Variants in PROB1 observed in about 807,000 individuals in gnomAD.
The protein encoded by PROB1 is proline rich basic protein 1.
For missense variants in PROB1, 1,453 were observed against 1,485.7 expected (o/e 0.98, Z 0.36); for synonymous variants, 660 against 699.3 (o/e 0.94, Z 0.89).
Position 139,393,595 on chromosome 5 carries a change from G to T in PROB1, c.1487C>A (p.Pro496Gln), listed in dbSNP as rs1250323117. Residue 496 changes from proline to glutamine, a missense_variant, in exon 1 of 1, where the codon CCG becomes CAG. Coordinates refer to ENST00000434752, the MANE Select transcript of PROB1 (RefSeq NM_001161546.2). ...VADAVEPRSS[P>Q]SPPAFFPWEA... The stretch of plus-strand genomic sequence containing the variant: ...CCACGGGAAGAAGGCCGGCGGGGAC[G>T]GGCTGCTACGTGGCTCCACCGCATC... 9.7e-6 allele frequency: 15 copies of T among 1,550,638 alleles called. No homozygotes were observed. The highest frequency in any genetic ancestry group is 1.0e-5 in the Non-Finnish European group (12 of 1,146,902).
At position 139,392,280 on chromosome 5, in the gene PROB1, G is replaced by C. The variant is rs1758610456; in HGVS notation, c.2802C>G (p.Ala934=). 6.6e-7 allele frequency: 1 copy of C among 1,519,834 alleles called. No individual in the cohort carries two copies. The highest frequency in any genetic ancestry group is 2.1e-5 in the Admixed American group (1 of 47,700). The allele number at this position is 1,519,834 out of a possible 1,614,324, so 94.1% of individuals were successfully genotyped here. Residue 934 remains alanine (A), a synonymous_variant, in exon 1 of 1, where the codon GCC becomes GCG. Coordinates refer to ENST00000434752, the MANE Select transcript of PROB1 (RefSeq NM_001161546.2). The surrounding 1 kb of genome is among the most constrained non-coding windows in gnomAD (Gnocchi z 5.8). ...CGGGCGGGTAGAGGCCGAGCCCCAG[G>C]GCCAGAGGGGTGTAGACGCGGTGGG... is the stretch of plus-strand genomic sequence containing the variant. The part of the protein sequence containing the change: ...GPPHRVYTPL[A]LGLGLYPPAY...
rs1758651066 is a variant in PROB1 at position 139,394,217 on chromosome 5, G to A, written c.865C>T (p.His289Tyr). ...PETRETARST[H>Y]VVLEKAKSRP... ...GACTTAGCCTTCTCCAGGACCACGT[G>A]GGTGCTGCGGGCCGTTTCCCGGGTC... The change falls in exon 1 of 1, where the codon CAC (histidine) becomes TAC (tyrosine). Residue 289 changes from histidine to tyrosine, a missense_variant. Transcript: ENST00000434752. The A allele has an allele frequency of 1.9e-6, 3 of 1,548,764 alleles. No homozygotes were observed. In the East Asian group the frequency reaches 7.3e-5, roughly 38 times the overall value.
Position 139,394,656 on chromosome 5 carries a change from G to A in PROB1, c.426C>T (p.Ser142=), listed in dbSNP as rs1238773094. Residue 142 remains serine, a synonymous_variant, in exon 1 of 1, where the codon AGC becomes AGT. Transcript: ENST00000434752. ...GAGACGCTGGCCCCGGCGGCAAGGG[G>A]CTGATGAAGGCCGGCTCCGTGAACT... ...QQQFTEPAFI[S]PLPPGPASPA... is the part of the protein sequence containing the mutation. The A allele has an allele frequency of 2.6e-6, 4 of 1,535,134 alleles. No homozygotes were observed. The highest frequency in any genetic ancestry group is 3.5e-6 in the Non-Finnish European group (4 of 1,145,686).
At position 139,394,946 on chromosome 5, in the gene PROB1, C is replaced by A. The variant is rs1490516623; in HGVS notation, c.136G>T (p.Val46Phe). The A allele has an allele frequency of 4.6e-6, 7 of 1,520,796 alleles. No homozygotes were observed. The African/African-American group carries it at 7.2e-5, about 16-fold the overall frequency. The allele number at this position is 1,520,796 out of a possible 1,614,324, so 94.2% of individuals were successfully genotyped here. The stretch of plus-strand genomic sequence containing the variant: ...GCTGGGCCTTTCGCGTCCGGCCCAA[C>A]GTCCGGGGGCTCCGGAGAACCTGGA... ...TAPGSPEPPDVGPDAKGPANW... is the reference protein window; with the variant it reads ...TAPGSPEPPDFGPDAKGPANW... The change falls in exon 1 of 1, where the codon GTT becomes TTT. Residue 46 changes from valine to phenylalanine, a missense_variant. Val to Phe is a conservative substitution (Grantham distance 50). Coordinates refer to ENST00000434752, the MANE Select transcript of PROB1 (RefSeq NM_001161546.2).
At position 139,392,231 on chromosome 5, in the gene PROB1, A is replaced by G; in HGVS notation, c.2851T>C (p.Ser951Pro). Residue 951 changes from serine (S) to proline (P), a missense_variant, in exon 1 of 1, where the codon TCT becomes CCT. By Grantham distance (74) the Ser-to-Pro change is moderately conservative (BLOSUM62 -1). Coordinates refer to ENST00000434752, the MANE Select transcript of PROB1 (RefSeq NM_001161546.2). The surrounding 1 kb of genome is among the most constrained non-coding windows in gnomAD (Gnocchi z 5.8). ...TGCGGGCCCGGGGACGGTGGCAGAG[A>G]GAGGCTGGGTATAGGCCCATAGGCG... ...PPAYGPIPSL[S>P]LPPSPGPQAL... is the part of the protein sequence containing the mutation. The G allele has an allele frequency of 6.9e-7, 1 of 1,448,432 alleles. No individual in the cohort carries two copies. Among genetic ancestry groups the G allele is most frequent in the Non-Finnish European group, 9.1e-7 (1 of 1,094,564 alleles). The allele number at this position is 1,448,432 out of a possible 1,614,324, so 89.7% of individuals were successfully genotyped here.
At position 139,394,357 on chromosome 5, in the gene PROB1, C is replaced by A; in HGVS notation, c.725G>T (p.Gly242Val). The A allele has an allele frequency of 7.0e-7, 1 of 1,420,222 alleles. No individual in the cohort carries two copies. The highest frequency in any genetic ancestry group is 9.1e-7 in the Non-Finnish European group (1 of 1,094,018). 88.0% of individuals were successfully genotyped at this position (1,420,222 alleles called of 1,614,324 possible). A position where few individuals can be genotyped will look rare whatever the true frequency, so the allele number is the denominator to read the frequency against. ...GAAGCCCGCGGCGGCCTGCAGGGGG[C>A]CCAGCGACTCGTCCAGGGAACCGGT... The part of the protein sequence containing the change: ...LRTGSLDESL[G>V]PLQAAAGFVQ... Residue 242 changes from glycine to valine, a missense_variant, in exon 1 of 1, where the codon GGC (glycine) becomes GTC (valine). By Grantham distance (109) the Gly-to-Val change is moderately radical. Coordinates refer to ENST00000434752, the MANE Select transcript of PROB1 (RefSeq NM_001161546.2).
Position 139,392,936 on chromosome 5 carries a change from G to A in PROB1, c.2146C>T (p.Leu716=). The change falls in exon 1 of 1, where the codon CTG becomes TTG. Residue 716 remains leucine, a synonymous_variant. Coordinates refer to ENST00000434752, the MANE Select transcript of PROB1 (RefSeq NM_001161546.2). The surrounding 1 kb of genome is among the most constrained non-coding windows in gnomAD (Gnocchi z 5.8). The part of the protein sequence containing the change: ...ARDASQPNGV[L]RRRAENSTAK... ...GTGCTGTTCTCTGCCCTCCGCCGCA[G>A]GACCCCGTTGGGCTGTGAGGCGTCC... 1 of 1,521,312 alleles carries A rather than the reference G, an allele frequency of 6.6e-7. No individual in the cohort carries two copies. Among genetic ancestry groups the A allele is most frequent in the Non-Finnish European group, 8.9e-7 (1 of 1,129,882 alleles). 94.2% of individuals were successfully genotyped at this position (1,521,312 alleles called of 1,614,324 possible). A position where few individuals can be genotyped will look rare whatever the true frequency, so the allele number is the denominator to read the frequency against.
rs1166326643 is a variant in PROB1, at chr5:139,392,996, C to T, written c.2086G>A (p.Glu696Lys). 4.0e-6 allele frequency: 6 copies of T among 1,515,978 alleles called. No individual in the cohort carries two copies. Among genetic ancestry groups the T allele is most frequent in the African/African-American group, 1.4e-5 (1 of 71,408 alleles). The allele number at this position is 1,515,978 out of a possible 1,614,324, so 93.9% of individuals were successfully genotyped here. The change falls in exon 1 of 1, where the codon GAG becomes AAG. Residue 696 changes from glutamate (E) to lysine (K), a missense_variant. Coordinates refer to ENST00000434752, the MANE Select transcript of PROB1 (RefSeq NM_001161546.2). The surrounding 1 kb of genome is among the most constrained non-coding windows in gnomAD (Gnocchi z 5.8). Reference sequence around the variant, plus strand: ...GTGTCGAAGGACGGTTCAGGAGGCTCGTAGGGGTGCGGCACCACCGGTAGA... The same window carrying T: ...GTGTCGAAGGACGGTTCAGGAGGCTTGTAGGGGTGCGGCACCACCGGTAGA... ...DFLPVVPHPY[E>K]PPEPSFDTVA...
rs1461827026 is a variant in PROB1, at chr5:139,393,008, G to A, written c.2074C>T (p.Pro692Ser). Residue 692 changes from proline to serine, a missense_variant, in exon 1 of 1, where the codon CCG becomes TCG. By Grantham distance (74) the Pro-to-Ser change is moderately conservative. Coordinates refer to ENST00000434752, the MANE Select transcript of PROB1 (RefSeq NM_001161546.2). ...GGTTCAGGAGGCTCGTAGGGGTGCG[G>A]CACCACCGGTAGAAAATCCTTGATG... The part of the protein sequence containing the change: ...VFIKDFLPVV[P>S]HPYEPPEPSF... The A allele has an allele frequency of 6.6e-7, 1 of 1,520,788 alleles. No homozygotes were observed. The allele number at this position is 1,520,788 out of a possible 1,614,324, so 94.2% of individuals were successfully genotyped here. A position where few individuals can be genotyped will look rare whatever the true frequency, so the allele number is the denominator to read the frequency against.
In PROB1 at chr5:139,394,994, A is replaced by C; in HGVS notation, c.88T>G (p.Ser30Ala). 1.3e-6 allele frequency: 2 copies of C among 1,497,278 alleles called. No homozygotes were observed. Among genetic ancestry groups the C allele is most frequent in the African/African-American group, 1.5e-5 (1 of 67,936 alleles). 92.7% of individuals were successfully genotyped at this position (1,497,278 alleles called of 1,614,324 possible). A position where few individuals can be genotyped will look rare whatever the true frequency, so the allele number is the denominator to read the frequency against. ...APARRQDSSG[S>A]SGSYYTAPGS... Reference sequence around the variant, plus strand: ...GGAGCCGTGTAGTAGGAGCCTGACGAACCGGAGGAGTCCTGGCGCCGCGCG... The same window carrying C: ...GGAGCCGTGTAGTAGGAGCCTGACGCACCGGAGGAGTCCTGGCGCCGCGCG... Residue 30 changes from serine (S) to alanine (A), a missense_variant, in exon 1 of 1, where the codon TCG (serine) becomes GCG (alanine). Ser to Ala is a moderately conservative substitution (Grantham distance 99). Coordinates refer to ENST00000434752, the MANE Select transcript of PROB1 (RefSeq NM_001161546.2).
At position 139,393,164 on chromosome 5, in the gene PROB1, G is replaced by A; in HGVS notation, c.1918C>T (p.Pro640Ser). The A allele has an allele frequency of 1.3e-6, 2 of 1,548,000 alleles. No homozygotes were observed. The highest frequency in any genetic ancestry group is 1.7e-6 in the Non-Finnish European group (2 of 1,145,448). Residue 640 changes from proline (P) to serine (S), a missense_variant, in exon 1 of 1, where the codon CCG becomes TCG. Physicochemically the swap from Pro to Ser is moderately conservative, Grantham distance 74. Coordinates refer to ENST00000434752, the MANE Select transcript of PROB1 (RefSeq NM_001161546.2). ...LVKTTYAPGF[P>S]AGAQGSGLPA... ...AGCCCAGAGCCTTGTGCTCCTGCCG[G>A]GAAGCCTGGCGCGTACGTGGTCTTC...
At position 139,393,368 on chromosome 5, in the gene PROB1, C is replaced by T. The variant is rs369710606; in HGVS notation, c.1714G>A (p.Asp572Asn). 3 of 1,551,468 alleles carry T rather than the reference C, an allele frequency of 1.9e-6. No homozygotes were observed. In the African/African-American group the frequency reaches 4.1e-5, roughly 21 times the overall value. Residue 572 changes from aspartate to asparagine, a missense_variant, in exon 1 of 1, where the codon GAT (aspartate) becomes AAT (asparagine). By Grantham distance (23) the Asp-to-Asn change is conservative. Transcript: ENST00000434752. ...MQSPSTREIS[D>N]LAFGGSQQSP... ...TGCTGACTCCCTCCAAAGGCAAGAT[C>T]TGAAATTTCCCGCGTGGATGGACTC...
In PROB1 at chr5:139,392,692, C is replaced by A. The variant is rs939528370; in HGVS notation, c.2390G>T (p.Arg797Leu). ...CTGAGGGGAGCCGGGGCGGGGCGAT[C>A]GGACCCCTGCTGGCCCTACGGGGGA... The part of the protein sequence containing the change: ...QRSPVGPAGV[R>L]SPRPGSPQMQ... The change falls in exon 1 of 1, where the codon CGA becomes CTA. Residue 797 changes from arginine (R) to leucine (L), a missense_variant. Transcript: ENST00000434752. The surrounding 1 kb of genome is among the most constrained non-coding windows in gnomAD (Gnocchi z 5.8). The A allele has an allele frequency of 3.6e-6, 5 of 1,387,952 alleles. No homozygotes were observed. In the African/African-American group the frequency reaches 4.6e-5, roughly 13 times the overall value. The allele number at this position is 1,387,952 out of a possible 1,614,324, so 86.0% of individuals were successfully genotyped here. A position where few individuals can be genotyped will look rare whatever the true frequency, so the allele number is the denominator to read the frequency against.
In PROB1 at chr5:139,393,964, G is replaced by A; in HGVS notation, c.1118C>T (p.Pro373Leu). 1 of 1,550,658 alleles carries A rather than the reference G, an allele frequency of 6.4e-7. No individual in the cohort carries two copies. The highest frequency in any genetic ancestry group is 8.7e-7 in the Non-Finnish European group (1 of 1,146,992). Residue 373 changes from proline (P) to leucine (L), a missense_variant, in exon 1 of 1, where the codon CCG becomes CTG. By Grantham distance (98) the Pro-to-Leu change is moderately conservative. Transcript: ENST00000434752. Reference sequence around the variant, plus strand: ...CGAGGGGATCCTACACTCAAAAGGCGGACTCCGTGCCCTCTGAACAGTTCG... The same window carrying A: ...CGAGGGGATCCTACACTCAAAAGGCAGACTCCGTGCCCTCTGAACAGTTCG... ...PDRTVQRARS[P>L]PFECRIPSEV...
rs199836215 is a variant in PROB1, at chr5:139,393,824, G to A, written c.1258C>T (p.Arg420Trp). ...GGGCTACTCACCCTCCGAGTAGTCC[G>A]ATCCCACGGGGACAGGTTCTGGGGC... ...PSPQNLSPWD[R>W]TTRRVSSPLF... Residue 420 changes from arginine (R) to tryptophan (W), a missense_variant, in exon 1 of 1, where the codon CGG becomes TGG. Arg to Trp is a moderately radical substitution (Grantham distance 101). Coordinates refer to ENST00000434752, the MANE Select transcript of PROB1 (RefSeq NM_001161546.2). 3,579 of 1,551,262 alleles carry A rather than the reference G, an allele frequency of 2.3e-3. 5 individuals are homozygous for A. Among genetic ancestry groups the A allele is most frequent in the Non-Finnish European group, 2.9e-3 (3,329 of 1,146,942 alleles).
chr5:139,393,001 G>C lies in PROB1; in HGVS notation c.2081C>G (p.Pro694Arg), dbSNP rs928225780. The stretch of plus-strand genomic sequence containing the variant: ...GAAGGACGGTTCAGGAGGCTCGTAG[G>C]GGTGCGGCACCACCGGTAGAAAATC... Reference protein sequence around the residue: ...IKDFLPVVPHPYEPPEPSFDT... With the variant: ...IKDFLPVVPHRYEPPEPSFDT... Residue 694 changes from proline to arginine, a missense_variant, in exon 1 of 1, where the codon CCC becomes CGC. By Grantham distance (103) the Pro-to-Arg change is moderately radical (BLOSUM62 -2). Coordinates refer to ENST00000434752, the MANE Select transcript of PROB1 (RefSeq NM_001161546.2). 6.6e-7 allele frequency: 1 copy of C among 1,519,392 alleles called. No homozygotes were observed. The highest frequency in any genetic ancestry group is 1.4e-5 in the African/African-American group (1 of 71,906). 94.1% of individuals were successfully genotyped at this position (1,519,392 alleles called of 1,614,324 possible). A position where few individuals can be genotyped will look rare whatever the true frequency, so the allele number is the denominator to read the frequency against.
At position 139,393,200 on chromosome 5, in the gene PROB1, G is replaced by A; in HGVS notation, c.1882C>T (p.Arg628Cys). 1 of 1,549,500 alleles carries A rather than the reference G, an allele frequency of 6.5e-7. No individual in the cohort carries two copies. The highest frequency in any genetic ancestry group is 8.7e-7 in the Non-Finnish European group (1 of 1,146,836). The change falls in exon 1 of 1, where the codon CGC becomes TGC. Residue 628 changes from arginine to cysteine, a missense_variant. Physicochemically the swap from Arg to Cys is radical, Grantham distance 180. Coordinates refer to ENST00000434752, the MANE Select transcript of PROB1 (RefSeq NM_001161546.2). ...RMAIPRPRDV[R>C]KLVKTTYAPG... Reference sequence around the variant, plus strand: ...GCGTACGTGGTCTTCACCAACTTGCGCACGTCTCGAGGCCGCGGAATGGCC... The same window carrying A: ...GCGTACGTGGTCTTCACCAACTTGCACACGTCTCGAGGCCGCGGAATGGCC...
Position 139,394,838 on chromosome 5 carries a change from G to A in PROB1, c.244C>T (p.His82Tyr). 8 of 1,531,670 alleles carry A rather than the reference G, an allele frequency of 5.2e-6. No homozygotes were observed. Among genetic ancestry groups the A allele is most frequent in the Non-Finnish European group, 7.0e-6 (8 of 1,139,146 alleles). The allele number at this position is 1,531,670 out of a possible 1,614,324, so 94.9% of individuals were successfully genotyped here. ...SVSAQNSRQR[H>Y]GPGSGFPRGP... ...CGCGGGAAACCCGAGCCGGGCCCGTGCCGCTGGCGGCTATTCTGGGCGCTG... is the reference window on the plus strand; with the variant it reads ...CGCGGGAAACCCGAGCCGGGCCCGTACCGCTGGCGGCTATTCTGGGCGCTG... Residue 82 changes from histidine (H) to tyrosine (Y), a missense_variant, in exon 1 of 1, where the codon CAC becomes TAC. Physicochemically the swap from His to Tyr is moderately conservative, Grantham distance 83. Coordinates refer to ENST00000434752, the MANE Select transcript of PROB1 (RefSeq NM_001161546.2).
In PROB1 at chr5:139,392,676, G is replaced by A. The variant is rs1758618516; in HGVS notation, c.2406C>T (p.Gly802=). 4 of 1,398,544 alleles carry A rather than the reference G, an allele frequency of 2.9e-6. No individual in the cohort carries two copies. The highest frequency in any genetic ancestry group is 3.7e-6 in the Non-Finnish European group (4 of 1,076,482). The allele number at this position is 1,398,544 out of a possible 1,614,324, so 86.6% of individuals were successfully genotyped here. ...GPAGVRSPRP[G]SPQMQASPSP... is the part of the protein sequence containing the mutation. Reference sequence around the variant, plus strand: ...TCGGGCTGGCTTGCATCTGAGGGGAGCCGGGGCGGGGCGATCGGACCCCTG... The same window carrying A: ...TCGGGCTGGCTTGCATCTGAGGGGAACCGGGGCGGGGCGATCGGACCCCTG... The change falls in exon 1 of 1, where the codon GGC becomes GGT. Residue 802 remains glycine, a synonymous_variant. Coordinates refer to ENST00000434752, the MANE Select transcript of PROB1 (RefSeq NM_001161546.2). This position sits in a 1 kb window ranked among gnomAD's most constrained non-coding sequence, Gnocchi z 5.8.
Sources: gnomAD v4.1 joint callset for allele counts on GRCh38, gnomAD v4.1.1 for gene constraint, Gnocchi (gnomAD v3.1) non-coding constraint, MANE v1.5 for transcripts, NCBI Gene and HGNC (gene_info 2026-07-23, HGNC 2026-07-21) for gene names.